Variants in PELI2 observed in about 807,000 individuals in gnomAD.
The protein encoded by PELI2 is E3 ubiquitin-protein ligase pellino homolog 2.
In PELI2, 23 loss-of-function variants were observed where a neutral mutation model predicts 42.3. The observed-to-expected ratio is 0.54, with a 90% CI of 0.39 to 0.77. The LOEUF (loss-of-function observed/expected upper bound fraction) is 0.77, where lower values mean the gene tolerates loss of function less well. Ranked by LOEUF, PELI2 falls within the 30% of genes least tolerant of loss-of-function variation. The probability of loss-of-function intolerance (pLI) is 0.00; values close to 1 mark genes in which losing one functional copy is unlikely to be tolerated. For synonymous variants in PELI2, 245 were observed against 212.2 expected, an observed-to-expected ratio of 1.15 and a Z score of -1.34; for missense variants, 463 against 553.2, an observed-to-expected ratio of 0.84 and a Z score of 1.64.
intron 1 of PELI2, among the ~76,000 whole-genome samples, chr14:56,139,228 A>G (rs151102903): frequency 1.3e-5 from 2 of 152,268 alleles, no homozygotes; most frequent in East Asian, 3.9e-4. Context: ...AGATGGGCCA[A>G]GGAAGGTGGA....
At chr14:56,148,908 G>A (rs1181950131) in intron 1 of PELI2, among the ~76,000 whole-genome samples, 1 of 152,180 alleles carries the variant, frequency 6.6e-6, no homozygotes, top group Non-Finnish European at 1.5e-5. Flanking sequence ...GATGGGAGCA[G>A]CAGATACTTG....
rs1883322504 is a variant in PELI2 at position 56,127,628 on chromosome 14, AC to A, written c.77+8893del. Among the ~76,000 whole-genome samples the A allele has an allele frequency of 2.0e-5, 3 of 152,210 alleles. No homozygotes were observed. The East Asian group carries it at 5.8e-4, about 29-fold the overall frequency. ...TTGATAGCAGCCACTGCTGCCAGCC[AC>A]CTGCACAGCACTCAGGGTTGGGAGA... On this transcript the variant is annotated intron_variant, in intron 1 of 5. Transcript: ENST00000267460.
chr14:56,165,835 G>C (rs939673376), intron 1 of PELI2, among the ~76,000 whole-genome samples: 2 of 152,038 alleles, frequency 1.3e-5, no homozygotes. Flanking sequence ...AGCAACTCCT[G>C]CTCTTTTTTG....
chr14:56,123,049 T>C (rs1595533096), intron 1 of PELI2, among the ~76,000 whole-genome samples: 2 of 152,040 alleles, frequency 1.3e-5, no homozygotes, highest in East Asian at 3.9e-4. Context: ...GACTGAAAAA[T>C]GAAGTATTTT....
chr14:56,129,349 G>A (rs948989066), intron 1 of PELI2, among the ~76,000 whole-genome samples: 2 of 152,228 alleles, frequency 1.3e-5, no homozygotes, highest in African/African-American at 4.8e-5. Context: ...GCCCCCTTCT[G>A]TGCGATGGCA....
chr14:56,296,683 G>A lies in PELI2; in HGVS notation c.780G>A (p.Gly260=), dbSNP rs1420292834. The A allele has an allele frequency of 3.7e-6, 6 of 1,614,110 alleles. No homozygotes were observed. The highest frequency in any genetic ancestry group is 1.1e-5 in the South Asian group (1 of 91,074). The change falls in exon 6 of 6, where the codon GGG becomes GGA. Residue 260 remains glycine (G), a synonymous_variant. Transcript: ENST00000267460. ...CTCTCCTCTGGAGAACAGCAGATGG[G>A]CTTTTTCATACTCCAACTCAGAAGC... ...GATLLWRTAD[G]LFHTPTQKHI...
chr14:56,192,795 G>A (rs143392346), intron 2 of PELI2, among the ~76,000 whole-genome samples: 123 of 152,334 alleles, frequency 8.1e-4, no homozygotes, highest in African/African-American at 2.8e-3. Flanking sequence ...GGCACCTGGT[G>A]TGTTGTAAAT....
chr14:56,196,869 T>C (rs1397296141), intron 2 of PELI2, among the ~76,000 whole-genome samples: 2 of 152,242 alleles, frequency 1.3e-5, no homozygotes, highest in Non-Finnish European at 2.9e-5. Context: ...TCATGGTGTC[T>C]CATCTCATAC....
intron 2 of PELI2, among the ~76,000 whole-genome samples, chr14:56,236,713 A>G (rs1887808742): frequency 6.6e-6 from 1 of 152,076 alleles, no homozygotes; most frequent in Non-Finnish European, 1.5e-5. Context: ...TTCCCAGGTG[A>G]CTGGAGCCAC....
intron 1 of PELI2, among the ~76,000 whole-genome samples, chr14:56,133,123 CTAGT>C (rs1428755597): frequency 6.6e-6 from 1 of 151,896 alleles, no homozygotes; most frequent in Non-Finnish European, 1.5e-5. Context: ...ACTTTCACTT[CTAGT>C]TATTGTCCAT....
chr14:56,208,271 A>G (rs191287640), intron 2 of PELI2, among the ~76,000 whole-genome samples: 47 of 152,338 alleles, frequency 3.1e-4, no homozygotes, highest in African/African-American at 1.1e-3. Flanking sequence ...CAGTCTAACT[A>G]GTTTCAGGGA....
At chr14:56,286,377 A>G (rs1889645562) in intron 3 of PELI2, among the ~76,000 whole-genome samples, 1 of 152,194 alleles carries the variant, frequency 6.6e-6, no homozygotes, top group Admixed American at 6.5e-5. Context: ...GGAGGTGAGA[A>G]AAAGGTGAGG....
intron 2 of PELI2, among the ~76,000 whole-genome samples, chr14:56,267,426 G>A (rs1888947037): frequency 6.6e-6 from 1 of 152,126 alleles, no homozygotes; most frequent in African/African-American, 2.4e-5. Flanking sequence ...AATGATGCTT[G>A]AGGAGTAACA....
chr14:56,167,264 C>G (rs1884997559), intron 1 of PELI2, among the ~76,000 whole-genome samples: 2 of 152,092 alleles, frequency 1.3e-5, no homozygotes, highest in South Asian at 4.1e-4. Context: ...ACTTTCTATT[C>G]CTATCTCTTT....
At chr14:56,261,092 G>A (rs911487332) in intron 2 of PELI2, among the ~76,000 whole-genome samples, 1 of 151,668 alleles carries the variant, frequency 6.6e-6, no homozygotes, top group Non-Finnish European at 1.5e-5. Flanking sequence ...TACCCACCAC[G>A]AAGCTTCCCA....
intron 2 of PELI2, among the ~76,000 whole-genome samples, chr14:56,185,187 C>A (rs1240483132): frequency 6.6e-6 from 1 of 152,058 alleles, no homozygotes; most frequent in South Asian, 2.1e-4. Flanking sequence ...CAAGAATTGG[C>A]TGTTACTAAC....
At chr14:56,195,150 G>C (rs1886087733) in intron 2 of PELI2, among the ~76,000 whole-genome samples, 1 of 152,184 alleles carries the variant, frequency 6.6e-6, no homozygotes, top group Non-Finnish European at 1.5e-5. Flanking sequence ...ATGCATGCAA[G>C]CTAAATAAGT....
chr14:56,169,906 T>C (rs758488913), intron 1 of PELI2, among the ~76,000 whole-genome samples: 2 of 152,224 alleles, frequency 1.3e-5, no homozygotes, highest in African/African-American at 2.4e-5. Flanking sequence ...GTTGGGACTA[T>C]AATTTCATAA....
chr14:56,190,712 A>G (rs1885924535), intron 2 of PELI2, among the ~76,000 whole-genome samples: 1 of 152,232 alleles, frequency 6.6e-6, no homozygotes, highest in South Asian at 2.1e-4. Flanking sequence ...TTGCTATATA[A>G]TATTCCATTG....
Sources: allele counts gnomAD v4.1 joint callset (sites outside exome capture counted in the v4.1 genomes callset), GRCh38; gene constraint gnomAD v4.1.1; transcripts MANE v1.5; gene names NCBI Gene and HGNC (gene_info 2026-07-23, HGNC 2026-07-21).